The following LINGO2 variants were observed in gnomAD, a reference collection of about 807,000 sequenced individuals.
The protein encoded by LINGO2 is leucine rich repeat and Ig domain containing 2.
LINGO2 carries 14 observed loss-of-function variants against 30.6 expected under a neutral mutation model. The observed-to-expected ratio is 0.46, with a 90% CI of 0.30 to 0.72. The LOEUF is 0.72. Ranked by LOEUF, LINGO2 falls within the 30% of genes least tolerant of loss-of-function variation. The pLI, the probability that LINGO2 is intolerant of heterozygous loss-of-function variation, is 0.07. For missense variants in LINGO2, 729 were observed against 751.7 expected (o/e 0.97, Z 0.35); for synonymous variants, 317 against 288.5 (o/e 1.10, Z -1.00).
the LINGO2 span, among the ~76,000 whole-genome samples, chr9:29,022,506 G>A: frequency 6.6e-6 from 1 of 152,190 alleles, no homozygotes; most frequent in Admixed American, 6.5e-5. Flanking sequence ...AACAGGGACT[G>A]AAATTCAATG....
chr9:28,802,239 G>C, the LINGO2 span, among the ~76,000 whole-genome samples: 2 of 151,786 alleles, frequency 1.3e-5, no homozygotes, highest in Non-Finnish European at 2.9e-5. Context: ...ATTTAATCAA[G>C]ACAAAATAAT....
At chr9:28,790,437 T>C in the LINGO2 span, among the ~76,000 whole-genome samples, 2 of 148,386 alleles carry the variant, frequency 1.3e-5, no homozygotes, top group Non-Finnish European at 3.0e-5. Flanking sequence ...CACGCCATTC[T>C]CCTGCCTCAG....
At chr9:29,071,687 TAC>T in the LINGO2 span, among the ~76,000 whole-genome samples, 1 of 151,826 alleles carries the variant, frequency 6.6e-6, no homozygotes, top group Non-Finnish European at 1.5e-5. Context: ...TCAGGCTTTT[TAC>T]AGTTTTGCAA....
At chr9:28,627,134 T>C (rs185075645) in intron 1 of LINGO2, among the ~76,000 whole-genome samples, 6 of 152,174 alleles carry the variant, frequency 3.9e-5, no homozygotes, top group African/African-American at 1.4e-4. Flanking sequence ...AAGGCTGACG[T>C]AGGTGTAGCC....
the LINGO2 span, among the ~76,000 whole-genome samples, chr9:29,145,374 T>C: frequency 2.0e-5 from 3 of 152,166 alleles, no homozygotes; most frequent in African/African-American, 7.2e-5. Flanking sequence ...TCCAAGAGGC[T>C]ATGATAGCTC....
At chr9:28,532,176 T>C (rs1821259013) in intron 1 of LINGO2, among the ~76,000 whole-genome samples, 1 of 152,120 alleles carries the variant, frequency 6.6e-6, no homozygotes, top group African/African-American at 2.4e-5. Flanking sequence ...GCCTCTATTT[T>C]CTCATCTGAA....
At chr9:28,959,756 C>A in the LINGO2 span, among the ~76,000 whole-genome samples, 188 of 152,068 alleles carry the variant, frequency 1.2e-3, 1 homozygote, top group Non-Finnish European at 2.5e-3. Context: ...GCTACTGCTT[C>A]CAGGCAATTT....
the LINGO2 span, among the ~76,000 whole-genome samples, chr9:28,990,229 C>T: frequency 4.6e-5 from 7 of 152,304 alleles, no homozygotes; most frequent in South Asian, 2.1e-4. Flanking sequence ...GAGGGTCCTA[C>T]GCCCACGGAG....
chr9:28,248,462 A>G (rs1822080673), intron 4 of LINGO2, among the ~76,000 whole-genome samples: 1 of 152,198 alleles, frequency 6.6e-6, no homozygotes, highest in South Asian at 2.1e-4. Context: ...CAGTGGTTGG[A>G]ATGGGTCATA....
At chr9:28,072,266 C>T (rs1825501617) in intron 4 of LINGO2, among the ~76,000 whole-genome samples, 1 of 152,194 alleles carries the variant, frequency 6.6e-6, no homozygotes, top group Admixed American at 6.5e-5. Context: ...CATTCTGAGA[C>T]CTGTCCTCTC....
intron 4 of LINGO2, among the ~76,000 whole-genome samples, chr9:28,287,970 CAG>C (rs1167325441): frequency 6.6e-6 from 1 of 152,170 alleles, no homozygotes; most frequent in Non-Finnish European, 1.5e-5. Flanking sequence ...CAGAGAATAA[CAG>C]AATCCATGAA....
At chr9:28,633,535 A>G (rs1320186854) in intron 1 of LINGO2, among the ~76,000 whole-genome samples, 2 of 152,224 alleles carry the variant, frequency 1.3e-5, no homozygotes, top group African/African-American at 4.8e-5. Context: ...AAGCTCTCAA[A>G]TTGCACTTAA....
chr9:28,229,345 G>C (rs1163797321), intron 4 of LINGO2, among the ~76,000 whole-genome samples: 1 of 151,442 alleles, frequency 6.6e-6, no homozygotes, highest in East Asian at 1.9e-4. Flanking sequence ...TGTTGATATA[G>C]ACAATTAATA....
At chr9:28,496,760 T>C (rs1009396254) in intron 1 of LINGO2, among the ~76,000 whole-genome samples, 2 of 152,226 alleles carry the variant, frequency 1.3e-5, no homozygotes, top group African/African-American at 4.8e-5. Flanking sequence ...GCATTGATGG[T>C]CTTTACAATT....
chr9:28,057,456 G>C (rs910974685), intron 4 of LINGO2, among the ~76,000 whole-genome samples: 5 of 150,632 alleles, frequency 3.3e-5, no homozygotes, highest in African/African-American at 1.2e-4. Context: ...TCAAAATTTA[G>C]GCCCATGTTA....
Position 28,361,425 on chromosome 9 carries a change from C to T in LINGO2, c.-246+11411G>A, listed in dbSNP as rs1388180844. On this transcript the variant is annotated intron_variant, in intron 3 of 5. Coordinates refer to ENST00000379992, the Ensembl canonical transcript of LINGO2. ...CACATCTCTTGCAGACAACGGGAGA[C>T]TACTGTATTAGACATCTGATTTTAA... Among the ~76,000 whole-genome samples the T allele has an allele frequency of 1.3e-5, 2 of 152,116 alleles. 1 individual carries two copies. The highest frequency in any genetic ancestry group is 1.3e-4 in the Admixed American group (2 of 15,252).
chr9:28,027,673 C>T (rs918844444), intron 4 of LINGO2, among the ~76,000 whole-genome samples: 2 of 151,892 alleles, frequency 1.3e-5, no homozygotes, highest in Non-Finnish European at 2.9e-5. Flanking sequence ...GAAAATAAAA[C>T]ATATTTTACA....
chr9:28,581,807 T>G (rs1824271879), intron 1 of LINGO2, among the ~76,000 whole-genome samples: 1 of 151,980 alleles, frequency 6.6e-6, no homozygotes, highest in Non-Finnish European at 1.5e-5. Flanking sequence ...AATGTAAAGT[T>G]ACTTCTGAAA....
At chr9:28,198,099 T>G (rs1820079737) in intron 4 of LINGO2, among the ~76,000 whole-genome samples, 1 of 151,852 alleles carries the variant, frequency 6.6e-6, no homozygotes, top group South Asian at 2.1e-4. Flanking sequence ...TTTACTCAGT[T>G]TACTCGTAGG....
Sources: allele counts gnomAD v4.1 joint callset (sites outside exome capture counted in the v4.1 genomes callset), GRCh38; gene constraint gnomAD v4.1.1; transcripts MANE v1.5; gene names NCBI Gene and HGNC (gene_info 2026-07-23, HGNC 2026-07-21).